Variants in TMEM132B observed in about 807,000 individuals in gnomAD.
TMEM132B encodes the protein transmembrane protein 132B.
In TMEM132B, 18 loss-of-function variants were observed where a neutral mutation model predicts 90.8. The observed-to-expected ratio is 0.20, with a 90% CI of 0.14 to 0.29. TMEM132B has a LOEUF of 0.29. TMEM132B is among the 10% of genes least tolerant of loss of function. The pLI is 1.00. For synonymous variants in TMEM132B, 504 were observed against 523.3 expected (o/e 0.96, Z 0.50); for missense variants, 1,096 against 1,326.8 (o/e 0.83, Z 2.70).
intron 2 of TMEM132B, among the ~76,000 whole-genome samples, chr12:125,350,586 G>A (rs1021981992): frequency 6.6e-6 from 1 of 152,172 alleles, no homozygotes; most frequent in Non-Finnish European, 1.5e-5. Flanking sequence ...GAAGAGTGGA[G>A]TCTCCATAGA....
chr12:125,617,303 C>A (rs913126345), intron 5 of TMEM132B, among the ~76,000 whole-genome samples: 34 of 151,954 alleles, frequency 2.2e-4, no homozygotes, highest in African/African-American at 8.2e-4. Flanking sequence ...CTGATAGTCA[C>A]CCTGCTATGA....
intron 2 of TMEM132B, among the ~76,000 whole-genome samples, chr12:125,367,341 T>A (rs976611936): frequency 3.7e-4 from 57 of 152,324 alleles, no homozygotes; most frequent in African/African-American, 1.3e-3. Flanking sequence ...GGCAATTAAT[T>A]TTGTTGTAGT....
At chr12:125,346,490 G>C (rs577181233) in intron 1 of TMEM132B, among the ~76,000 whole-genome samples, 1 of 152,168 alleles carries the variant, frequency 6.6e-6, no homozygotes, top group Non-Finnish European at 1.5e-5. Context: ...TCCTGCTGAC[G>C]GTGTTCCTGT....
At chr12:125,433,220 A>G (rs1389990967) in intron 3 of TMEM132B, among the ~76,000 whole-genome samples, 1 of 152,130 alleles carries the variant, frequency 6.6e-6, no homozygotes, top group African/African-American at 2.4e-5. Flanking sequence ...CACAGAGATC[A>G]CCATATCCTT....
At chr12:125,427,222 G>A (rs1032178548) in intron 3 of TMEM132B, among the ~76,000 whole-genome samples, 6 of 152,138 alleles carry the variant, frequency 3.9e-5, no homozygotes, top group African/African-American at 1.4e-4. Context: ...CAAAGAGGGA[G>A]GACTTTTCAG....
In TMEM132B at chr12:125,415,631, T is replaced by A. The variant is rs1879988252; in HGVS notation, c.1060T>A (p.Ser354Thr). Reference protein sequence around the residue: ...EEIDNGSTQTSATLTCMGHRP... With the variant: ...EEIDNGSTQTTATLTCMGHRP... ...AATTGATAATGGCAGCACTCAGACG[T>A]CGGCCACCCTCACCTGCATGGGCCA... is the stretch of plus-strand genomic sequence containing the variant. The change falls in exon 3 of 9, where the codon TCG becomes ACG. Residue 354 changes from serine (S) to threonine (T), a missense_variant. By Grantham distance (58) the Ser-to-Thr change is moderately conservative (BLOSUM62 1). Transcript: ENST00000682704. This position sits in a 1 kb window ranked among gnomAD's most constrained non-coding sequence, Gnocchi z 5.3. The A allele has an allele frequency of 5.6e-6, 9 of 1,614,124 alleles. No individual in the cohort carries two copies. Among genetic ancestry groups the A allele is most frequent in the Non-Finnish European group, 7.6e-6 (9 of 1,180,014 alleles).
intron 4 of TMEM132B, among the ~76,000 whole-genome samples, chr12:125,560,680 C>G (rs914858643): frequency 1.3e-5 from 2 of 151,580 alleles, no homozygotes; most frequent in Non-Finnish European, 2.9e-5. Flanking sequence ...AAAAAATTAG[C>G]CGGGCGCGGT....
chr12:125,483,641 A>G (rs758102494), intron 3 of TMEM132B, among the ~76,000 whole-genome samples: 5 of 152,164 alleles, frequency 3.3e-5, no homozygotes, highest in Non-Finnish European at 5.9e-5. Flanking sequence ...GAGCAAGAAG[A>G]GAATTTATTA....
At chr12:125,382,564 T>C (rs895368029) in intron 2 of TMEM132B, among the ~76,000 whole-genome samples, 1 of 152,190 alleles carries the variant, frequency 6.6e-6, no homozygotes, top group Non-Finnish European at 1.5e-5. Flanking sequence ...AGTCTCTTGA[T>C]GACAGAACCA....
At chr12:125,581,237 A>G (rs896150877) in intron 4 of TMEM132B, among the ~76,000 whole-genome samples, 1 of 152,096 alleles carries the variant, frequency 6.6e-6, no homozygotes, top group Non-Finnish European at 1.5e-5. Flanking sequence ...TTGATGTTTA[A>G]CCTTTTCTCT....
At chr12:125,290,352 G>A (rs527262085) in intron 1 of TMEM132B, among the ~76,000 whole-genome samples, 2 of 151,946 alleles carry the variant, frequency 1.3e-5, no homozygotes, top group South Asian at 2.1e-4. Context: ...AATGAATATC[G>A]TGCACCCACC....
In TMEM132B at chr12:125,654,302, C is replaced by T. The variant is rs769200057; in HGVS notation, c.2844C>T (p.His948=). ...AGCAGGGCAACATCCCCCATTCCCA[C>T]GACTGGGTCTGGCTTGGGAATGAAG... ...VSEQGNIPHS[H]DWVWLGNEVE... is the part of the protein sequence containing the mutation. The change falls in exon 9 of 9, where the codon CAC becomes CAT. Residue 948 remains histidine, a synonymous_variant. Coordinates refer to ENST00000682704, the MANE Select transcript of TMEM132B (RefSeq NM_001366854.1). This position sits in a 1 kb window ranked among gnomAD's most constrained non-coding sequence, Gnocchi z 5.8. The T allele has an allele frequency of 1.7e-5, 27 of 1,613,238 alleles. No homozygotes were observed. Among genetic ancestry groups the T allele is most frequent in the African/African-American group, 4.0e-5 (3 of 74,884 alleles).
intron 5 of TMEM132B, among the ~76,000 whole-genome samples, chr12:125,637,319 C>T (rs1364873871): frequency 6.6e-6 from 1 of 152,136 alleles, no homozygotes; most frequent in African/African-American, 2.4e-5. Context: ...GAGAGCGGAT[C>T]GGAGATCTGA....
In TMEM132B at chr12:125,349,737, A is replaced by G. The variant is rs1877495006; in HGVS notation, c.353A>G (p.Lys118Arg). ...TCTACAGCCTTTGGAAACATGGACA[A>G]ATTTCCCTTCAACTGGAAATTGAAA... ...LTSTAFGNMD[K>R]FPFNWKLKSH... is the part of the protein sequence containing the mutation. The change falls in exon 2 of 9, where the codon AAA becomes AGA. Residue 118 changes from lysine (K) to arginine (R), a missense_variant. Physicochemically the swap from Lys to Arg is conservative, Grantham distance 26 (BLOSUM62 2). Coordinates refer to ENST00000682704, the MANE Select transcript of TMEM132B (RefSeq NM_001366854.1). The surrounding 1 kb of genome is among the most constrained non-coding windows in gnomAD (Gnocchi z 4.1). 5 of 1,614,202 alleles carry G rather than the reference A, an allele frequency of 3.1e-6. No individual in the cohort carries two copies. Among genetic ancestry groups the G allele is most frequent in the Non-Finnish European group, 3.4e-6 (4 of 1,180,034 alleles).
At chr12:125,207,394 G>C (rs1010505333) in intron 1 of TMEM132B, among the ~76,000 whole-genome samples, 2 of 152,172 alleles carry the variant, frequency 1.3e-5, no homozygotes, top group Admixed American at 1.3e-4. Context: ...ATTCCATTAA[G>C]AATGGTCACT....
In TMEM132B at chr12:125,423,728, A is replaced by C. The variant is rs572987209; in HGVS notation, c.1106+8051A>C. ...AGTCATCTCCAAATCTATGATTGAA[A>C]GGGTAATAACTGTTAATATTTTGAG... On this transcript the variant is annotated intron_variant, in intron 3 of 8. Transcript: ENST00000682704. 1.4e-4 allele frequency among the ~76,000 whole-genome samples: 22 copies of C among 152,344 alleles called. No homozygotes were observed. The South Asian group carries it at 4.4e-3, about 30-fold the overall frequency.
Position 125,650,925 on chromosome 12 carries a change from G to T in TMEM132B, c.1886G>T (p.Gly629Val). Reference protein sequence around the residue: ...AQLQDGRTLAGREPGITTVQV... With the variant: ...AQLQDGRTLAVREPGITTVQV... ...TTACAGGACGGCAGGACCCTGGCTG[G>T]TCGGGAGCCGGGAATAACCACGGTG... The change falls in exon 7 of 9, where the codon GGT (glycine) becomes GTT (valine). Residue 629 changes from glycine (G) to valine (V), a missense_variant. By Grantham distance (109) the Gly-to-Val change is moderately radical. Coordinates refer to ENST00000682704, the MANE Select transcript of TMEM132B (RefSeq NM_001366854.1). 1 of 1,612,818 alleles carries T rather than the reference G, an allele frequency of 6.2e-7. No homozygotes were observed. Among genetic ancestry groups the T allele is most frequent in the Admixed American group, 1.7e-5 (1 of 60,018 alleles).
At chr12:125,221,237 A>G (rs143070494) in intron 1 of TMEM132B, among the ~76,000 whole-genome samples, 31 of 152,364 alleles carry the variant, frequency 2.0e-4, no homozygotes, top group Non-Finnish European at 3.7e-4. Context: ...ATATATACCC[A>G]GGACCTAGAA....
chr12:125,419,465 C>A (rs1880112661), intron 3 of TMEM132B, among the ~76,000 whole-genome samples: 1 of 152,148 alleles, frequency 6.6e-6, no homozygotes, highest in South Asian at 2.1e-4. Context: ...TTTTATAAAA[C>A]CATCAGTTCT....
Sources: gnomAD v4.1 joint callset for allele counts (sites outside exome capture counted in the v4.1 genomes callset) on GRCh38, gnomAD v4.1.1 for gene constraint, Gnocchi (gnomAD v3.1) non-coding constraint, MANE v1.5 for transcripts, NCBI Gene and HGNC (gene_info 2026-07-23, HGNC 2026-07-21) for gene names.